The following LZIC variants were observed in gnomAD, a reference collection of about 807,000 sequenced individuals.
LZIC encodes the protein leucine zipper and CTNNBIP1 domain containing.
Under a neutral mutation model 25.4 loss-of-function variants are expected in LZIC, and 28 were observed. That is an observed-to-expected ratio of 1.10 (90% CI 0.82 to 1.51). LZIC has a LOEUF of 1.51. Ranked by LOEUF, LZIC falls within the 40% of genes most tolerant of loss-of-function variation. The pLI is 0.00. For synonymous variants in LZIC, 65 were observed against 70.7 expected (o/e 0.92, Z 0.40); for missense variants, 170 against 211.1 (o/e 0.81, Z 1.21).
rs1640070414 is a variant in LZIC at position 9,928,153 on chromosome 1, A to G, written c.*2246T>C. Among the ~76,000 whole-genome samples the G allele has an allele frequency of 6.6e-6, 1 of 152,048 alleles. No homozygotes were observed. Among genetic ancestry groups the G allele is most frequent in the South Asian group, 2.1e-4 (1 of 4,818 alleles). ...AACATGGAGAAACCCCATCTCTACT[A>G]AAAACACAAAATTAGCCAGGTGTGG... On this transcript the variant is annotated 3_prime_UTR_variant, in exon 8 of 8. Transcript: ENST00000377223.
intron 2 of LZIC, among the ~76,000 whole-genome samples, chr1:9,941,590 C>T (rs982069503): frequency 2.0e-5 from 3 of 150,680 alleles, no homozygotes; most frequent in Non-Finnish European, 4.4e-5. Context: ...ACCTCCGCTT[C>T]CCAGGTTGAA....
At position 9,928,684 on chromosome 1, in the gene LZIC, G is replaced by A. The variant is rs1312794052; in HGVS notation, c.*1715C>T. On this transcript the variant is annotated 3_prime_UTR_variant, in exon 8 of 8. Transcript: ENST00000377223. ...CTGAGGTCAGCTCAGGACCAGCTGG[G>A]CCAACATGGTGAAACCCTGTCTCTA... Among the ~76,000 whole-genome samples the A allele has an allele frequency of 6.6e-6, 1 of 151,978 alleles. No individual in the cohort carries two copies. The highest frequency in any genetic ancestry group is 1.5e-5 in the Non-Finnish European group (1 of 68,006).
chr1:9,923,701 GAA>G (rs913276802), downstream of LZIC, among the ~76,000 whole-genome samples: 15 of 151,664 alleles, frequency 9.9e-5, no homozygotes, highest in African/African-American at 3.6e-4. Context: ...GAAAAAAAGA[GAA>G]AAAAATATTT....
intron 5 of LZIC, 139 bp from the exon 6 acceptor site, chr1:9,933,037 G>T: frequency 1.7e-6 from 1 of 572,270 alleles, no homozygotes; most frequent in East Asian, 3.1e-5. Context: ...GGCGGATCAC[G>T]AGGTCAGGAG....
intron 2 of LZIC, among the ~76,000 whole-genome samples, chr1:9,939,542 CTTTTTTT>C (rs34837155): frequency 1.2e-5 from 1 of 81,984 alleles, no homozygotes; most frequent in South Asian, 4.7e-4. Context: ...CCACATCTGC[CTTTTTTT>C]TTTTTTTTTT....
intron 2 of LZIC, 50 bp from the exon 3 acceptor site, chr1:9,936,677 C>T (rs1640472418): frequency 8.0e-7 from 1 of 1,248,606 alleles, no homozygotes. Context: ...CATACCAGTG[C>T]AATTTTTTTA....
chr1:9,942,512 C>A (rs1286851242), intron 2 of LZIC, 112 bp downstream of exon 2: 1 of 353,026 alleles, frequency 2.8e-6, no homozygotes, highest in African/African-American at 2.1e-5. Context: ...AAGATTAACT[C>A]GTTGGCACCA....
chr1:9,929,550 AG>A lies in LZIC; in HGVS notation c.*848del, dbSNP rs1204723025. 2 of 985,304 alleles carry A rather than the reference AG, an allele frequency of 2.0e-6. No individual in the cohort carries two copies. Among genetic ancestry groups the A allele is most frequent in the Non-Finnish European group, 2.4e-6 (2 of 829,942 alleles). 61.0% of individuals were successfully genotyped at this position (985,304 alleles called of 1,614,324 possible). On this transcript the variant is annotated 3_prime_UTR_variant, in exon 8 of 8. Coordinates refer to ENST00000377223, the MANE Select transcript of LZIC (RefSeq NM_032368.5). ...CTGAGTGTGACAAGAGGTCACGCAC[AG>A]GGAGGGCCTCTAGCTGCCATTTCCT...
chr1:9,925,002 G>C (rs917636462), downstream of LZIC, among the ~76,000 whole-genome samples: 13 of 151,954 alleles, frequency 8.6e-5, no homozygotes, highest in African/African-American at 2.9e-4. Flanking sequence ...ATCTGTGGCT[G>C]ATGTATCATC....
At position 9,929,802 on chromosome 1, in the gene LZIC, T is replaced by C. The variant is rs1287707957; in HGVS notation, c.*597A>G. ...AATAGTGTTAATTATTTTTTTTAAA[T>C]GGTACAGAAATAAAATTCAAAAGAT... On this transcript the variant is annotated 3_prime_UTR_variant, in exon 8 of 8. Transcript: ENST00000377223. 2 of 984,616 alleles carry C rather than the reference T, an allele frequency of 2.0e-6. No homozygotes were observed. The highest frequency in any genetic ancestry group is 6.2e-5 in the Admixed American group (1 of 16,246). The allele number at this position is 984,616 out of a possible 1,614,324, so 61.0% of individuals were successfully genotyped here.
chr1:9,941,586 G>A (rs970160277), intron 2 of LZIC, among the ~76,000 whole-genome samples: 1 of 145,172 alleles, frequency 6.9e-6, no homozygotes, highest in South Asian at 2.2e-4. Flanking sequence ...TGCAACCTCC[G>A]CTTCCCAGGT....
At chr1:9,937,839 C>A (rs58751907) in intron 2 of LZIC, among the ~76,000 whole-genome samples, 6,353 of 107,872 alleles carry the variant, frequency 0.059, 194 homozygotes, top group Middle Eastern at 0.2. Context: ...CAGAGCGAGA[C>A]CCTGACTCAA....
At chr1:9,942,980 C>T (rs1000131011) in intron 1 of LZIC, 198 bp from the exon 2 acceptor site, 10 of 350,680 alleles carry the variant, frequency 2.9e-5, no homozygotes, top group Non-Finnish European at 5.6e-5. Context: ...ATCCCGCATC[C>T]GGACACGCCT....
At chr1:9,942,384 G>A (rs1469176281) in intron 2 of LZIC, among the ~76,000 whole-genome samples, 1 of 152,146 alleles carries the variant, frequency 6.6e-6, no homozygotes, top group Non-Finnish European at 1.5e-5. Context: ...ATTTGGTCAC[G>A]TATATAAAGG....
chr1:9,931,966 C>T lies in LZIC; in HGVS notation c.439G>A (p.Ala147Thr), dbSNP rs146375448. ...GCTGACAAGAAGGCCTCATCATCTGCAGTCAGCTAAACAAAATGAAACAAA... is the reference window on the plus strand; with the variant it reads ...GCTGACAAGAAGGCCTCATCATCTGTAGTCAGCTAAACAAAATGAAACAAA... The part of the protein sequence containing the change: ...ALRKLGEKLT[A>T]DDEAFLSANA... Residue 147 changes from alanine (A) to threonine (T), a missense_variant, in exon 7 of 8, where the codon GCA (alanine) becomes ACA (threonine). Coordinates refer to ENST00000377223, the MANE Select transcript of LZIC (RefSeq NM_032368.5). 2 of 1,612,640 alleles carry T rather than the reference C, an allele frequency of 1.2e-6. No individual in the cohort carries two copies. Among genetic ancestry groups the T allele is most frequent in the Non-Finnish European group, 1.7e-6 (2 of 1,179,248 alleles).
chr1:9,934,952 G>T (rs769567909), intron 4 of LZIC, 92 bp from the exon 5 acceptor site: 95 of 948,454 alleles, frequency 1.0e-4, no homozygotes, highest in Non-Finnish European at 1.6e-4. Context: ...TTTTATCAAG[G>T]TTTACTGGTT....
At chr1:9,935,431 C>T in intron 4 of LZIC, 61 bp downstream of exon 4, 1 of 1,526,696 alleles carries the variant, frequency 6.6e-7, no homozygotes. Context: ...GCATCTCAAA[C>T]AAAAACAAGA....
chr1:9,929,417 C>T lies in LZIC; in HGVS notation c.*982G>A, dbSNP rs1392928856. 7.1e-6 allele frequency: 7 copies of T among 985,256 alleles called. No homozygotes were observed. Among genetic ancestry groups the T allele is most frequent in the Non-Finnish European group, 8.4e-6 (7 of 829,896 alleles). 61.0% of individuals were successfully genotyped at this position (985,256 alleles called of 1,614,324 possible). ...ATAGGGACACATCTGCATATTTGAG[C>T]ATACAGAGACATGTAAATACTCAGG... is the stretch of plus-strand genomic sequence containing the variant. On this transcript the variant is annotated 3_prime_UTR_variant, in exon 8 of 8. Transcript: ENST00000377223.
At chr1:9,941,823 C>T (rs533833750) in intron 2 of LZIC, among the ~76,000 whole-genome samples, 2 of 152,024 alleles carry the variant, frequency 1.3e-5, no homozygotes, top group East Asian at 3.9e-4. Flanking sequence ...ACACCAGCAT[C>T]CAGCACAATC....
Sources: allele counts gnomAD v4.1 joint callset (sites outside exome capture counted in the v4.1 genomes callset), GRCh38; gene constraint gnomAD v4.1.1; transcripts MANE v1.5; gene names NCBI Gene and HGNC (gene_info 2026-07-23, HGNC 2026-07-21).